The following NAV2 variants were observed in gnomAD, a reference collection of about 807,000 sequenced individuals.
NAV2 encodes the protein helicase, APC down-regulated 1.
NAV2 carries 54 observed loss-of-function variants against 223.2 expected under a neutral mutation model. The observed-to-expected ratio is 0.24, with a 90% CI of 0.19 to 0.30. The LOEUF is 0.30. NAV2 is among the 10% of genes least tolerant of loss of function. NAV2 has a pLI of 1.00. For missense variants in NAV2, 2,806 were observed against 3,147.5 expected (o/e 0.89, Z 2.60); for synonymous variants, 1,279 against 1,239.3 (o/e 1.03, Z -0.67).
intron 1 of NAV2, among the ~76,000 whole-genome samples, chr11:19,759,323 T>G (rs2054531543): frequency 2.0e-5 from 3 of 152,118 alleles, no homozygotes; most frequent in Admixed American, 2.0e-4. Flanking sequence ...GACCTCGTGA[T>G]CCGCCTGCCT....
At chr11:19,777,405 C>CTTTTTT in intron 1 of NAV2, 1 of 410,422 alleles carries the variant, frequency 2.4e-6, no homozygotes, top group Non-Finnish European at 4.8e-6. Flanking sequence ...GGTGCTTCGG[C>CTTTTTT]TTTTTTTTTT....
chr11:19,669,292 ATC>A, intron 1 of NAV2, among the ~76,000 whole-genome samples: 1 of 152,296 alleles, frequency 6.6e-6, no homozygotes, highest in South Asian at 2.1e-4. Flanking sequence ...ACTCCATTTC[ATC>A]TCACTGAATA....
At chr11:19,693,021 T>C (rs561239731) in intron 1 of NAV2, among the ~76,000 whole-genome samples, 4 of 152,234 alleles carry the variant, frequency 2.6e-5, no homozygotes, top group Non-Finnish European at 5.9e-5. Context: ...GACCAAGACC[T>C]TCTCTCCAAG....
At chr11:19,676,751 G>T (rs1036197435) in intron 1 of NAV2, among the ~76,000 whole-genome samples, 7 of 152,184 alleles carry the variant, frequency 4.6e-5, no homozygotes, top group Non-Finnish European at 7.3e-5. Context: ...CCCAGGCCTG[G>T]GTTAGGCCAC....
intron 1 of NAV2, among the ~76,000 whole-genome samples, chr11:19,465,273 GC>G (rs533534763): frequency 4.6e-4 from 70 of 152,306 alleles, no homozygotes; most frequent in African/African-American, 1.6e-3. Flanking sequence ...AGAAAAGACA[GC>G]CCCCTGCTAG....
intron 12 of NAV2, among the ~76,000 whole-genome samples, chr11:20,042,457 G>A (rs527738637): frequency 6.6e-6 from 1 of 152,258 alleles, no homozygotes; most frequent in Middle Eastern, 3.4e-3. Flanking sequence ...TAGCCAGGCA[G>A]TGTGTGTTTG....
intron 1 of NAV2, among the ~76,000 whole-genome samples, chr11:19,639,077 A>G (rs2047584227): frequency 6.6e-6 from 1 of 152,250 alleles, no homozygotes; most frequent in African/African-American, 2.4e-5. Context: ...TAAGACTGCT[A>G]TCCTTAGAAA....
intron 10 of NAV2, among the ~76,000 whole-genome samples, chr11:19,954,773 G>T (rs2585780): frequency 0.34 from 51,908 of 151,770 alleles, 10,616 homozygotes; most frequent in African/African-American, 0.57. Context: ...ATGCTTCCTT[G>T]TTACTTGCTG....
intron 1 of NAV2, among the ~76,000 whole-genome samples, chr11:19,454,102 T>C (rs941984135): frequency 6.6e-6 from 1 of 152,036 alleles, no homozygotes; most frequent in Non-Finnish European, 1.5e-5. Context: ...AAGTGAACAC[T>C]CCCCGTCCCT....
chr11:19,878,427 G>C (rs186486379), intron 4 of NAV2, among the ~76,000 whole-genome samples: 1 of 152,176 alleles, frequency 6.6e-6, no homozygotes, highest in African/African-American at 2.4e-5. Flanking sequence ...GGGGCAAAGC[G>C]GTGTCCGTAT....
At chr11:19,533,688 C>G (rs1473641268) in intron 1 of NAV2, among the ~76,000 whole-genome samples, 1 of 151,420 alleles carries the variant, frequency 6.6e-6, no homozygotes, top group Non-Finnish European at 1.5e-5. Flanking sequence ...CTCTCTCTCT[C>G]TCCCCTCTGG....
intron 1 of NAV2, among the ~76,000 whole-genome samples, chr11:19,828,857 C>T (rs140153652): frequency 6.6e-6 from 1 of 152,290 alleles, no homozygotes; most frequent in African/African-American, 2.4e-5. Flanking sequence ...GAGAAGAGCT[C>T]TTGTTTCAGA....
intron 10 of NAV2, among the ~76,000 whole-genome samples, chr11:19,956,917 A>G (rs2047933187): frequency 2.0e-5 from 3 of 152,162 alleles, no homozygotes; most frequent in Admixed American, 2.0e-4. Context: ...ACCAGCTCCT[A>G]TCCTCCAAGA....
chr11:20,079,973 G>A, intron 24 of NAV2, 91 bp from the exon 25 acceptor site: 1 of 1,463,776 alleles, frequency 6.8e-7, no homozygotes, highest in Non-Finnish European at 9.3e-7. Flanking sequence ...GTAGTCCTCA[G>A]GTGGGTGGGT....
chr11:19,361,663 G>A (rs1008133507), intron 1 of NAV2, among the ~76,000 whole-genome samples: 69 of 152,300 alleles, frequency 4.5e-4, no homozygotes, highest in African/African-American at 1.6e-3. Context: ...GTGAGTGTGG[G>A]ATGTGTGAGC....
chr11:19,642,830 A>G (rs944454982), intron 1 of NAV2, among the ~76,000 whole-genome samples: 10 of 152,114 alleles, frequency 6.6e-5, no homozygotes, highest in African/African-American at 2.2e-4. Flanking sequence ...CTCCTGGGAA[A>G]TGATTACCAT....
intron 7 of NAV2, 79 bp downstream of exon 7, chr11:19,934,356 C>G: frequency 6.9e-7 from 1 of 1,455,138 alleles, no homozygotes; most frequent in Non-Finnish European, 9.1e-7. Flanking sequence ...TCTGTAAGGG[C>G]AGAAGCTAGA....
At chr11:19,389,373 A>G (rs1397282297) in intron 1 of NAV2, among the ~76,000 whole-genome samples, 1 of 152,252 alleles carries the variant, frequency 6.6e-6, no homozygotes, top group Admixed American at 6.5e-5. Flanking sequence ...GCACATGCTA[A>G]GTTGCATATT....
chr11:19,646,892 A>G (rs714585), intron 1 of NAV2, among the ~76,000 whole-genome samples: 7,854 of 152,194 alleles, frequency 0.052, 472 homozygotes, highest in African/African-American at 0.13. Context: ...TATGACTTAT[A>G]CTACAACCCA....
Sources: gnomAD v4.1 joint callset for allele counts (sites outside exome capture counted in the v4.1 genomes callset) on GRCh38, gnomAD v4.1.1 for gene constraint, MANE v1.5 for transcripts, NCBI Gene and HGNC (gene_info 2026-07-23, HGNC 2026-07-21) for gene names.